Variants in PAK2 observed in about 807,000 individuals in gnomAD.
PAK2 encodes p21 (RAC1) activated kinase 2, also known as serine/threonine-protein kinase PAK 2.
PAK2 carries 21 observed loss-of-function variants against 65.9 expected under a neutral mutation model. The ratio of observed to expected loss-of-function variants is 0.32; its 90% CI spans 0.23 to 0.46. PAK2 has a LOEUF of 0.46. PAK2 is among the 20% of genes least tolerant of loss of function. The probability of loss-of-function intolerance (pLI) is 1.00; values close to 1 mark genes in which losing one functional copy is unlikely to be tolerated. For missense variants in PAK2, 324 were observed against 642.6 expected (o/e 0.50, Z 5.36); for synonymous variants, 204 against 219.7 (o/e 0.93, Z 0.63).
intron 13 of PAK2, among the ~76,000 whole-genome samples, chr3:196,823,813 A>C (rs1711734537): frequency 1.4e-5 from 2 of 146,628 alleles, no homozygotes; most frequent in South Asian, 4.3e-4. Flanking sequence ...TTCTGTCGCA[A>C]AAAAAAAAAA....
intron 1 of PAK2, among the ~76,000 whole-genome samples, chr3:196,763,975 T>A (rs1013844940): frequency 1.3e-5 from 2 of 150,944 alleles, no homozygotes; most frequent in African/African-American, 4.9e-5. Context: ...TTTTTTTTTT[T>A]TTTTGTATTT....
At chr3:196,745,282 A>ATTTTTTT (rs34194625) in intron 1 of PAK2, among the ~76,000 whole-genome samples, 119 of 92,764 alleles carry the variant, frequency 1.3e-3, no homozygotes, top group African/African-American at 2.7e-3. Context: ...CACCCAACTG[A>ATTTTTTT]TTTTTTTTTT....
intron 1 of PAK2, among the ~76,000 whole-genome samples, chr3:196,768,321 A>G (rs1378744042): frequency 1.3e-5 from 2 of 151,862 alleles, no homozygotes; most frequent in South Asian, 2.1e-4. Context: ...CCAAGACACT[A>G]TTTTTGGCTT....
intron 11 of PAK2, among the ~76,000 whole-genome samples, chr3:196,815,790 A>G (rs1248098376): frequency 6.6e-6 from 1 of 151,996 alleles, no homozygotes; most frequent in Non-Finnish European, 1.5e-5. Flanking sequence ...CGTCTCAAAA[A>G]AAAAAAAGAG....
chr3:196,775,776 G>A (rs996833650), intron 1 of PAK2, among the ~76,000 whole-genome samples: 1 of 152,122 alleles, frequency 6.6e-6, no homozygotes, highest in Non-Finnish European at 1.5e-5. Flanking sequence ...TGTCTCTCTG[G>A]CTCAGCCGTG....
intron 1 of PAK2, among the ~76,000 whole-genome samples, chr3:196,756,669 G>A (rs756325894): frequency 5.9e-5 from 9 of 151,954 alleles, no homozygotes; most frequent in South Asian, 2.1e-4. Context: ...AACCTTGTCC[G>A]TACTAAAAAT....
At chr3:196,752,359 G>A (rs920230266) in intron 1 of PAK2, among the ~76,000 whole-genome samples, 2 of 151,980 alleles carry the variant, frequency 1.3e-5, no homozygotes, top group African/African-American at 4.8e-5. Flanking sequence ...TAGCTTAAGT[G>A]AATTCAAGTC....
chr3:196,797,479 C>T (rs991775121), intron 2 of PAK2, among the ~76,000 whole-genome samples: 2 of 150,724 alleles, frequency 1.3e-5, no homozygotes, highest in African/African-American at 2.5e-5. Flanking sequence ...ATAGGCTGGG[C>T]GCAGTGGCTC....
Position 196,792,357 on chromosome 3 carries a change from A to G in PAK2, c.187+9524A>G, listed in dbSNP as rs542992715. 2.6e-4 allele frequency among the ~76,000 whole-genome samples: 40 copies of G among 152,346 alleles called. No individual in the cohort carries two copies. The South Asian group carries it at 6.2e-3, about 24-fold the overall frequency. On this transcript the variant is annotated intron_variant, in intron 2 of 14. Coordinates refer to ENST00000327134, the MANE Select transcript of PAK2 (RefSeq NM_002577.4). ...AAGAAATGTTGAGTGCACGACCTCA[A>G]ATTACTCAAAGTCTAGTGAAAATTG...
intron 1 of PAK2, among the ~76,000 whole-genome samples, chr3:196,749,459 GT>G (rs1713498533): frequency 6.6e-6 from 1 of 152,198 alleles, no homozygotes; most frequent in African/African-American, 2.4e-5. Flanking sequence ...GTGGTATCAT[GT>G]TAGTTTTGAT....
At chr3:196,753,516 A>G (rs192232224) in intron 1 of PAK2, among the ~76,000 whole-genome samples, 2 of 152,332 alleles carry the variant, frequency 1.3e-5, no homozygotes, top group African/African-American at 4.8e-5. Flanking sequence ...TTATCTCGCT[A>G]ATTACATTTA....
At chr3:196,807,482 G>A (rs899252256) in intron 6 of PAK2, among the ~76,000 whole-genome samples, 59 of 152,086 alleles carry the variant, frequency 3.9e-4, no homozygotes, top group African/African-American at 1.4e-3. Context: ...TTTTTAAACC[G>A]TGCTTTTTGA....
At chr3:196,758,486 CAGTA>C (rs1171165965) in intron 1 of PAK2, among the ~76,000 whole-genome samples, 2 of 152,092 alleles carry the variant, frequency 1.3e-5, no homozygotes, top group African/African-American at 2.4e-5. Flanking sequence ...ATTAAAGAAA[CAGTA>C]AGAATAGAAA....
chr3:196,762,979 G>T (rs1281067493), intron 1 of PAK2, among the ~76,000 whole-genome samples: 1 of 151,964 alleles, frequency 6.6e-6, no homozygotes, highest in African/African-American at 2.4e-5. Context: ...AGTAATGAGG[G>T]ATTAGCCAGT....
chr3:196,807,085 A>G (rs562521436), intron 6 of PAK2, among the ~76,000 whole-genome samples: 4 of 152,290 alleles, frequency 2.6e-5, no homozygotes, highest in Admixed American at 2.6e-4. Context: ...CCTTGCTGTC[A>G]TTCAAAAGGC....
chr3:196,780,884 G>T (rs1316240974), intron 1 of PAK2, among the ~76,000 whole-genome samples: 1 of 152,166 alleles, frequency 6.6e-6, no homozygotes, highest in Non-Finnish European at 1.5e-5. Flanking sequence ...TGCCTCCCGG[G>T]TTCACGCCAT....
At chr3:196,785,331 C>A (rs1396592419) in intron 2 of PAK2, among the ~76,000 whole-genome samples, 1 of 152,126 alleles carries the variant, frequency 6.6e-6, no homozygotes, top group Non-Finnish European at 1.5e-5. Flanking sequence ...ATTTAAAGGT[C>A]ATTCAGAGAT....
intron 13 of PAK2, among the ~76,000 whole-genome samples, chr3:196,821,967 A>G (rs780055457): frequency 1.2e-4 from 19 of 152,214 alleles, no homozygotes; most frequent in Admixed American, 2.0e-4. Flanking sequence ...GGAAGTGCCA[A>G]TCCGTGTTAC....
intron 1 of PAK2, among the ~76,000 whole-genome samples, chr3:196,744,932 C>CT (rs58919480): frequency 0.05 from 7,292 of 147,218 alleles, 258 homozygotes; most frequent in African/African-American, 0.1. Context: ...TTTCTTTTTT[C>CT]TTTTTTTTTT....
Sources: allele counts gnomAD v4.1 joint callset (sites outside exome capture counted in the v4.1 genomes callset), GRCh38; gene constraint gnomAD v4.1.1; transcripts MANE v1.5; gene names NCBI Gene and HGNC (gene_info 2026-07-23, HGNC 2026-07-21).